Variants in DMRT1 observed in about 807,000 individuals in gnomAD.
DMRT1 encodes the protein doublesex- and mab-3-related transcription factor 1.
In DMRT1, 7 loss-of-function variants were observed where a neutral mutation model predicts 32.3. The ratio of observed to expected loss-of-function variants is 0.22; its 90% CI spans 0.12 to 0.41. DMRT1 has a LOEUF of 0.41. Among genes scored for constraint, DMRT1 ranks in the 10% least tolerant of loss-of-function variants. DMRT1 has a pLI of 1.00. For synonymous variants in DMRT1, 278 were observed against 206.1 expected (o/e 1.35, Z -2.99); for missense variants, 625 against 500.5 (o/e 1.25, Z -2.37).
At chr9:942,837 T>G (rs1333368703) in intron 4 of DMRT1, among the ~76,000 whole-genome samples, 2 of 152,162 alleles carry the variant, frequency 1.3e-5, no homozygotes, top group Non-Finnish European at 2.9e-5. Context: ...CTTCTTTATT[T>G]ATTTCTATTT....
At chr9:880,468 T>G (rs1442136766) in intron 2 of DMRT1, among the ~76,000 whole-genome samples, 4 of 152,132 alleles carry the variant, frequency 2.6e-5, no homozygotes, top group African/African-American at 9.7e-5. Flanking sequence ...GGCTTACACC[T>G]GTAATCCCAG....
chr9:912,179 C>T (rs1476612557), intron 3 of DMRT1, among the ~76,000 whole-genome samples: 1 of 152,162 alleles, frequency 6.6e-6, no homozygotes, highest in Non-Finnish European at 1.5e-5. Flanking sequence ...ACTTTTAAAG[C>T]ATCAGATCTC....
chr9:906,031 CCACACACACA>C (rs3084882), intron 3 of DMRT1, among the ~76,000 whole-genome samples: 2 of 19,232 alleles, frequency 1.0e-4, no homozygotes, highest in Non-Finnish European at 3.0e-4. Context: ...ACACACACAC[CCACACACACA>C]CACACACACA....
At chr9:851,505 T>C (rs554949876) in intron 2 of DMRT1, among the ~76,000 whole-genome samples, 52 of 152,316 alleles carry the variant, frequency 3.4e-4, no homozygotes, top group African/African-American at 1.2e-3. Context: ...CCCAAAGTGC[T>C]GGGATTACAG....
intron 4 of DMRT1, among the ~76,000 whole-genome samples, chr9:928,464 T>A (rs956852013): frequency 4.6e-5 from 7 of 152,184 alleles, no homozygotes; most frequent in Non-Finnish European, 7.3e-5. Flanking sequence ...CCAGCCATAC[T>A]CTCTGCCTCT....
At chr9:847,869 A>G (rs796637778) in intron 2 of DMRT1, among the ~76,000 whole-genome samples, 4 of 152,218 alleles carry the variant, frequency 2.6e-5, no homozygotes, top group East Asian at 1.9e-4. Context: ...AAATGAAAAC[A>G]TTCGGTTTCT....
At chr9:914,005 G>A (rs888387402) in intron 3 of DMRT1, among the ~76,000 whole-genome samples, 1 of 152,118 alleles carries the variant, frequency 6.6e-6, no homozygotes, top group Non-Finnish European at 1.5e-5. Flanking sequence ...AGCATCTCCA[G>A]CCCAGTCTTA....
Position 842,089 on chromosome 9 carries a change from A to G in DMRT1, c.251A>G (p.Tyr84Cys), listed in dbSNP as rs1214758815. 4.5e-6 allele frequency: 7 copies of G among 1,546,348 alleles called. No individual in the cohort carries two copies. The East Asian group carries it at 9.7e-5, about 21-fold the overall frequency. ...TGCGCACGCTGCAGGAACCACGGCTACGCCTCGCCGCTCAAGGGCCACAAG... is the reference window on the plus strand; with the variant it reads ...TGCGCACGCTGCAGGAACCACGGCTGCGCCTCGCCGCTCAAGGGCCACAAG... ...PKCARCRNHG[Y>C]ASPLKGHKRF... The change falls in exon 1 of 5, where the codon TAC becomes TGC. Residue 84 changes from tyrosine (Y) to cysteine (C), a missense_variant. Around this residue, in one of 3 missense-constraint regions of DMRT1, gnomAD observed 201 missense variants for 152.0 expected, o/e 1.32. Transcript: ENST00000382276.
intron 4 of DMRT1, among the ~76,000 whole-genome samples, chr9:932,281 C>T (rs898175150): frequency 6.6e-6 from 1 of 152,212 alleles, no homozygotes; most frequent in African/African-American, 2.4e-5. Flanking sequence ...TGATGTACTG[C>T]TAAAGTGAGA....
chr9:907,086 A>T (rs1817802148), intron 3 of DMRT1, among the ~76,000 whole-genome samples: 1 of 152,214 alleles, frequency 6.6e-6, no homozygotes, highest in Admixed American at 6.5e-5. Context: ...AACATTAAGA[A>T]TATCATCAGT....
intron 2 of DMRT1, among the ~76,000 whole-genome samples, chr9:874,848 C>A (rs1020855421): frequency 6.8e-6 from 1 of 147,478 alleles, no homozygotes; most frequent in African/African-American, 2.5e-5. Context: ...CGCTCTGTCA[C>A]CCCAGCTGGA....
chr9:962,666 T>C (rs1819813315), intron 4 of DMRT1, among the ~76,000 whole-genome samples: 1 of 152,054 alleles, frequency 6.6e-6, no homozygotes, highest in Non-Finnish European at 1.5e-5. Flanking sequence ...CGTGAGCTAA[T>C]TTTGCTTGAG....
chr9:887,349 T>C (rs1816970708), intron 2 of DMRT1, among the ~76,000 whole-genome samples: 1 of 152,224 alleles, frequency 6.6e-6, no homozygotes, highest in Non-Finnish European at 1.5e-5. Flanking sequence ...GCACCTAGTC[T>C]ATTCCCCCAT....
intron 2 of DMRT1, among the ~76,000 whole-genome samples, chr9:869,214 G>A (rs949519575): frequency 4.6e-5 from 7 of 152,088 alleles, no homozygotes; most frequent in Non-Finnish European, 8.8e-5. Context: ...ATTCTACTAA[G>A]GCCACAGCTT....
chr9:909,326 C>A (rs371454582), intron 3 of DMRT1, among the ~76,000 whole-genome samples: 2 of 152,032 alleles, frequency 1.3e-5, no homozygotes, highest in African/African-American at 4.8e-5. Flanking sequence ...AAATTTTTTT[C>A]TCAGCTGTGA....
chr9:883,502 A>G (rs1816811652), intron 2 of DMRT1, among the ~76,000 whole-genome samples: 1 of 151,888 alleles, frequency 6.6e-6, no homozygotes, highest in South Asian at 2.1e-4. Flanking sequence ...CCGACCCCCA[A>G]AAGGAGAGCC....
chr9:864,643 C>T (rs972168664), intron 2 of DMRT1, among the ~76,000 whole-genome samples: 14 of 151,918 alleles, frequency 9.2e-5, no homozygotes, highest in African/African-American at 1.9e-4. Flanking sequence ...GGACTACAGG[C>T]GCCCGCCACC....
At position 911,538 on chromosome 9, in the gene DMRT1, G is replaced by A. The variant is rs548314032; in HGVS notation, c.823-5225G>A. ...GATGGAGTCGCACTCTGTCGCCCAG[G>A]CTGGAGTGCAGTGGTGCAATTTCAG... On this transcript the variant is annotated intron_variant, in intron 3 of 4. Transcript: ENST00000382276. Among the ~76,000 whole-genome samples the A allele has an allele frequency of 8.1e-5, 11 of 135,476 alleles. No homozygotes were observed. In the South Asian group the frequency reaches 1.2e-3, roughly 15 times the overall value. The allele number at this position is 135,476 out of a possible 152,430, so 88.9% of individuals were successfully genotyped here.
intron 2 of DMRT1, among the ~76,000 whole-genome samples, chr9:889,745 C>T (rs1384055866): frequency 2.0e-5 from 3 of 150,858 alleles, no homozygotes; most frequent in Non-Finnish European, 4.4e-5. Flanking sequence ...CCTTGGGTTT[C>T]TATTTATTCG....
Sources: allele counts gnomAD v4.1 joint callset (sites outside exome capture counted in the v4.1 genomes callset), GRCh38; gene constraint gnomAD v4.1.1; regional missense constraint gnomAD v4.1.1; transcripts MANE v1.5; gene names NCBI Gene and HGNC (gene_info 2026-07-23, HGNC 2026-07-21).